The following KCNH7 variants were observed in gnomAD, a reference collection of about 807,000 sequenced individuals.
KCNH7 encodes potassium voltage-gated channel subfamily H member 7, also known as voltage-gated inwardly rectifying potassium channel KCNH7.
Under a neutral mutation model 120.8 loss-of-function variants are expected in KCNH7, and 49 were observed. That is an observed-to-expected ratio of 0.41 (90% CI 0.32 to 0.51). The LOEUF (loss-of-function observed/expected upper bound fraction) is 0.51. KCNH7 is among the 20% of genes least tolerant of loss of function. KCNH7 has a pLI of 0.38. For missense variants in KCNH7, 1,097 were observed against 1,446.6 expected (o/e 0.76, Z 3.92); for synonymous variants, 547 against 516.1 (o/e 1.06, Z -0.81).
chr2:162,571,979 C>G (rs9678633), intron 2 of KCNH7, among the ~76,000 whole-genome samples: 82,547 of 148,438 alleles, frequency 0.56, 23,503 homozygotes, highest in Admixed American at 0.67. Flanking sequence ...TCAGGACATA[C>G]GCATGGGCAA....
chr2:162,496,583 C>T (rs976595841), intron 6 of KCNH7, among the ~76,000 whole-genome samples: 1 of 152,116 alleles, frequency 6.6e-6, no homozygotes, highest in African/African-American at 2.4e-5. Context: ...AATTCTACTC[C>T]ACTCATTCTT....
intron 6 of KCNH7, among the ~76,000 whole-genome samples, chr2:162,476,666 T>C (rs927219259): frequency 3.9e-5 from 6 of 152,190 alleles, no homozygotes; most frequent in Non-Finnish European, 8.8e-5. Context: ...TCAATACAAC[T>C]AATCTTGAGA....
chr2:162,400,466 A>G lies in KCNH7; in HGVS notation c.2155-25T>C. On this transcript the variant is annotated intron_variant, in intron 9 of 15. Coordinates refer to ENST00000332142, the MANE Select transcript of KCNH7 (RefSeq NM_033272.4). ...CCTGAGGAAAAAAAGAAAGAGTTTCATACTACCAGTGTTCTGGGTATCTCT... is the reference window on the plus strand; with the variant it reads ...CCTGAGGAAAAAAAGAAAGAGTTTCGTACTACCAGTGTTCTGGGTATCTCT... 2 of 1,609,174 alleles carry G rather than the reference A, an allele frequency of 1.2e-6. 1 individual carries two copies. Among genetic ancestry groups the G allele is most frequent in the South Asian group, 2.2e-5 (2 of 90,780 alleles).
intron 2 of KCNH7, among the ~76,000 whole-genome samples, chr2:162,772,566 G>C (rs985278984): frequency 2.6e-5 from 4 of 151,282 alleles, no homozygotes; most frequent in Admixed American, 2.6e-4. Context: ...TTTTCCATTG[G>C]CCACAAGTAT....
At chr2:162,783,660 G>A (rs546051892) in intron 2 of KCNH7, among the ~76,000 whole-genome samples, 12 of 152,248 alleles carry the variant, frequency 7.9e-5, no homozygotes, top group South Asian at 4.2e-4. Context: ...GCAAACACTC[G>A]CTGAAGGAAA....
intron 2 of KCNH7, among the ~76,000 whole-genome samples, chr2:162,805,790 G>T (rs1054134376): frequency 2.0e-5 from 3 of 152,158 alleles, no homozygotes; most frequent in East Asian, 1.9e-4. Context: ...ATGTATGTTT[G>T]TTGCAGCACA....
intron 6 of KCNH7, among the ~76,000 whole-genome samples, chr2:162,484,220 A>AACACACACACAC (rs71960380): frequency 6.8e-6 from 1 of 146,756 alleles, no homozygotes; most frequent in African/African-American, 2.5e-5. Flanking sequence ...TGAGTCTTTC[A>AACACACACACAC]ACACACACAC....
intron 6 of KCNH7, among the ~76,000 whole-genome samples, chr2:162,452,724 A>G (rs1249626406): frequency 6.6e-6 from 1 of 152,062 alleles, no homozygotes. Context: ...AAATACTTTT[A>G]CTTTGCTAGA....
intron 8 of KCNH7, among the ~76,000 whole-genome samples, chr2:162,424,094 G>C (rs189058775): frequency 7.2e-5 from 11 of 152,202 alleles, no homozygotes; most frequent in Admixed American, 7.2e-4. Context: ...TAAGAAACCA[G>C]TTTCCTTAGA....
chr2:162,573,174 T>C (rs1693551193), intron 2 of KCNH7, among the ~76,000 whole-genome samples: 1 of 152,036 alleles, frequency 6.6e-6, no homozygotes, highest in South Asian at 2.1e-4. Context: ...AAAAACTTTA[T>C]GCAAATTAAC....
At chr2:162,626,377 T>A (rs1683558954) in intron 2 of KCNH7, among the ~76,000 whole-genome samples, 1 of 152,080 alleles carries the variant, frequency 6.6e-6, no homozygotes, top group South Asian at 2.1e-4. Context: ...CTAGAAATAA[T>A]CATAAAACAA....
At chr2:162,606,441 T>C (rs1682776310) in intron 2 of KCNH7, among the ~76,000 whole-genome samples, 1 of 152,232 alleles carries the variant, frequency 6.6e-6, no homozygotes, top group South Asian at 2.1e-4. Flanking sequence ...GATTAATTTT[T>C]AAGTATTCAT....
At chr2:162,762,319 T>C (rs1688996200) in intron 2 of KCNH7, among the ~76,000 whole-genome samples, 1 of 151,962 alleles carries the variant, frequency 6.6e-6, no homozygotes, top group Non-Finnish European at 1.5e-5. Context: ...ATATAGGCTT[T>C]TGTTATAACA....
chr2:162,766,580 C>A (rs1288178196), intron 2 of KCNH7, among the ~76,000 whole-genome samples: 2 of 152,030 alleles, frequency 1.3e-5, no homozygotes, highest in African/African-American at 4.8e-5. Flanking sequence ...TGTTTGATTC[C>A]TATTTATTTT....
chr2:162,487,639 AG>A (rs1413869901), intron 6 of KCNH7, among the ~76,000 whole-genome samples: 2 of 152,234 alleles, frequency 1.3e-5, no homozygotes, highest in Non-Finnish European at 2.9e-5. Context: ...TGAGTTCTAG[AG>A]GGTTTATTAT....
intron 6 of KCNH7, among the ~76,000 whole-genome samples, chr2:162,491,310 C>T (rs1232659971): frequency 6.6e-6 from 1 of 152,192 alleles, no homozygotes; most frequent in Non-Finnish European, 1.5e-5. Context: ...TCCCACAGTG[C>T]CAGGAGTTAA....
chr2:162,796,411 G>A (rs541693971), intron 2 of KCNH7: 3 of 152,122 alleles, frequency 2.0e-5, no homozygotes, highest in African/African-American at 7.2e-5. Flanking sequence ...GAAACTGAAG[G>A]CACCAGTGTC....
chr2:162,698,385 GA>G (rs1475196462), intron 2 of KCNH7, among the ~76,000 whole-genome samples: 2 of 150,884 alleles, frequency 1.3e-5, no homozygotes, highest in Non-Finnish European at 3.0e-5. Flanking sequence ...CTGGGTCAGT[GA>G]ATGTATATTT....
chr2:162,606,127 G>A (rs1682754691), intron 2 of KCNH7, among the ~76,000 whole-genome samples: 1 of 152,148 alleles, frequency 6.6e-6, no homozygotes, highest in Middle Eastern at 3.4e-3. Flanking sequence ...TTACATAGTG[G>A]AAGATAATTC....
Sources: gnomAD v4.1 joint callset for allele counts (sites outside exome capture counted in the v4.1 genomes callset) on GRCh38, gnomAD v4.1.1 for gene constraint, MANE v1.5 for transcripts, NCBI Gene and HGNC (gene_info 2026-07-23, HGNC 2026-07-21) for gene names.